PLOD1: variants seen among roughly 807,000 people sequenced by gnomAD.
The protein encoded by PLOD1 is procollagen-lysine,2-oxoglutarate 5-dioxygenase 1, also known as lysine hydroxylase.
PLOD1 carries 70 observed loss-of-function variants against 94.7 expected under a neutral mutation model. The ratio of observed to expected loss-of-function variants is 0.74; its 90% CI spans 0.61 to 0.90. PLOD1 has a LOEUF of 0.90. Among genes scored for constraint, PLOD1 ranks in the 40% least tolerant of loss-of-function variants. The pLI is 0.00. For synonymous variants in PLOD1, 417 were observed against 400.2 expected, an observed-to-expected ratio of 1.04 and a Z score of -0.50; for missense variants, 905 against 972.7, an observed-to-expected ratio of 0.93 and a Z score of 0.93.
chr1:11,944,665 A>C, intron 1 of PLOD1: 1 of 1,347,928 alleles, frequency 7.4e-7, no homozygotes, highest in Non-Finnish European at 9.9e-7. Context: ...AGGTTCAGGT[A>C]GTGAGGCCTC....
intron 16 of PLOD1, among the ~76,000 whole-genome samples, chr1:11,967,751 A>G (rs182172799): frequency 4.2e-5 from 6 of 144,104 alleles, no homozygotes; most frequent in Middle Eastern, 3.5e-3. Flanking sequence ...TAATTAATTA[A>G]TTAATTAATT....
chr1:11,967,095 G>A lies in PLOD1; in HGVS notation c.1755+4G>A. The A allele has an allele frequency of 3.8e-6, 6 of 1,579,696 alleles. No homozygotes were observed. The highest frequency in any genetic ancestry group is 5.2e-6 in the Non-Finnish European group (6 of 1,148,576). On this transcript the variant is annotated splice_donor_region_variant and intron_variant, in intron 16 of 18. Transcript: ENST00000196061. Reference sequence around the variant, plus strand: ...GTGGTCTCTGGGCAACAACAAGGTGGGACCCTGATGCCTGGGCTGGGGCCG... The same window carrying A: ...GTGGTCTCTGGGCAACAACAAGGTGAGACCCTGATGCCTGGGCTGGGGCCG...
chr1:11,951,776 A>C (rs1430970279), intron 4 of PLOD1, among the ~76,000 whole-genome samples: 1 of 147,602 alleles, frequency 6.8e-6, no homozygotes, highest in Admixed American at 6.8e-5. Flanking sequence ...AAAATTAGCC[A>C]GGTGTGGTGG....
intron 1 of PLOD1, among the ~76,000 whole-genome samples, chr1:11,935,892 G>A (rs978201465): frequency 6.6e-6 from 1 of 151,572 alleles, no homozygotes; most frequent in African/African-American, 2.4e-5. Flanking sequence ...CAAAATGTTT[G>A]GATTACAGGC....
At chr1:11,944,136 G>A (rs1288249942) in intron 1 of PLOD1, among the ~76,000 whole-genome samples, 2 of 151,978 alleles carry the variant, frequency 1.3e-5, no homozygotes, top group Non-Finnish European at 2.9e-5. Flanking sequence ...AGGAGGCTGA[G>A]GCATGAGAAT....
chr1:11,958,353 GC>G lies in PLOD1; in HGVS notation c.844-156del, dbSNP rs200642071. Among the ~76,000 whole-genome samples the G allele has an allele frequency of 2.6e-5, 4 of 151,646 alleles. No homozygotes were observed. Among genetic ancestry groups the G allele is most frequent in the Admixed American group, 6.6e-5 (1 of 15,220 alleles). On this transcript the variant is annotated intron_variant, in intron 8 of 18. Coordinates refer to ENST00000196061, the MANE Select transcript of PLOD1 (RefSeq NM_000302.4). This position sits in a 1 kb window ranked among gnomAD's most constrained non-coding sequence, Gnocchi z 4.3. ...CGGGGCACCCTCCTGCTGCTTCCCT[GC>G]CCCCCCGTACCCCCTGACTGGAGTT...
intron 5 of PLOD1, among the ~76,000 whole-genome samples, chr1:11,953,200 C>T (rs1043859311): frequency 7.2e-5 from 11 of 151,950 alleles, no homozygotes; most frequent in African/African-American, 9.7e-5. Context: ...GGACTACAGG[C>T]GTGCACCACC....
chr1:11,952,489 A>G, intron 4 of PLOD1, 134 bp from the exon 5 acceptor site: 5 of 713,078 alleles, frequency 7.0e-6, no homozygotes, highest in Non-Finnish European at 1.3e-5. Flanking sequence ...TCAATTCAGG[A>G]GGACTTCTGA....
chr1:11,965,705 C>A, intron 14 of PLOD1, 112 bp downstream of exon 14: 1 of 690,576 alleles, frequency 1.4e-6, no homozygotes, highest in Non-Finnish European at 2.6e-6. Flanking sequence ...TGTAGGCCAC[C>A]TGCCACCCTC....
chr1:11,962,438 G>A (rs1368503555), intron 10 of PLOD1, among the ~76,000 whole-genome samples: 2 of 151,270 alleles, frequency 1.3e-5, no homozygotes, highest in South Asian at 2.1e-4. Context: ...CACCATGCCC[G>A]GCTAATTTTT....
chr1:11,954,859 C>A lies in PLOD1; in HGVS notation c.609C>A (p.Arg203=). The A allele has an allele frequency of 6.2e-7, 1 of 1,613,968 alleles. No individual in the cohort carries two copies. The highest frequency in any genetic ancestry group is 1.3e-5 in the African/African-American group (1 of 75,072). The change falls in exon 6 of 19, where the codon CGC becomes CGA. Residue 203 remains arginine, a synonymous_variant. Coordinates refer to ENST00000196061, the MANE Select transcript of PLOD1 (RefSeq NM_000302.4). ...REQINITLDH[R]CRIFQNLDGA... ...AGATCAATATCACCCTGGACCACCG[C>A]TGCCGTATCTTCCAGAACCTGGATG... is the stretch of plus-strand genomic sequence containing the variant.
At chr1:11,951,264 T>C (rs1198786935) in intron 4 of PLOD1, among the ~76,000 whole-genome samples, 1 of 152,100 alleles carries the variant, frequency 6.6e-6, no homozygotes, top group Admixed American at 6.5e-5. Context: ...CAGAGGTGTC[T>C]TTAAACGATG....
intron 1 of PLOD1, among the ~76,000 whole-genome samples, chr1:11,947,641 C>A (rs985996705): frequency 6.6e-6 from 1 of 152,184 alleles, no homozygotes; most frequent in Non-Finnish European, 1.5e-5. Context: ...GGAGATGGCA[C>A]CAAGCCATTC....
chr1:11,936,877 C>T (rs1301534920), intron 1 of PLOD1, among the ~76,000 whole-genome samples: 2 of 139,066 alleles, frequency 1.4e-5, no homozygotes, highest in African/African-American at 2.7e-5. Flanking sequence ...GGCAGAGTTT[C>T]ACTCCCGTTG....
intron 2 of PLOD1, 126 bp from the exon 3 acceptor site, chr1:11,949,647 T>A (rs1645683413): frequency 1.1e-6 from 1 of 899,638 alleles, no homozygotes; most frequent in Admixed American, 2.3e-5. Context: ...CTTGAATTCC[T>A]GACCTCAGGT....
At chr1:11,952,538 T>C in intron 4 of PLOD1, 85 bp from the exon 5 acceptor site, 2 of 929,982 alleles carry the variant, frequency 2.2e-6, no homozygotes, top group Non-Finnish European at 3.6e-6. Flanking sequence ...TGGAGGTGGA[T>C]AAGAGGGAAG....
Position 11,950,487 on chromosome 1 carries a change from G to A in PLOD1, c.433G>A (p.Val145Met). Residue 145 changes from valine (V) to methionine (M), a missense_variant, in exon 4 of 19, where the codon GTG becomes ATG. Transcript: ENST00000196061. The stretch of plus-strand genomic sequence containing the variant: ...CAGGCTGGAGACCAAGTATCCGGTG[G>A]TGTCCGATGGCAAGAGGTTCCTGGG... ...DRRLETKYPVVSDGKRFLGSG... is the reference protein window; with the variant it reads ...DRRLETKYPVMSDGKRFLGSG... 1 of 1,614,172 alleles carries A rather than the reference G, an allele frequency of 6.2e-7. No homozygotes were observed. Among genetic ancestry groups the A allele is most frequent in the East Asian group, 2.2e-5 (1 of 44,880 alleles).
chr1:11,941,807 A>C (rs1308096593), intron 1 of PLOD1, among the ~76,000 whole-genome samples: 2 of 151,946 alleles, frequency 1.3e-5, no homozygotes, highest in African/African-American at 4.8e-5. Flanking sequence ...TACATGCACC[A>C]CCGTATAACT....
chr1:11,974,605 G>A (rs775268930), intron 18 of PLOD1, 48 bp from the exon 19 acceptor site: 7 of 1,579,026 alleles, frequency 4.4e-6, no homozygotes, highest in East Asian at 2.3e-5. Context: ...GAGAACAGAC[G>A]GGCAGGGGGG....
Sources: gnomAD v4.1 joint callset for allele counts (sites outside exome capture counted in the v4.1 genomes callset) on GRCh38, gnomAD v4.1.1 for gene constraint, Gnocchi (gnomAD v3.1) non-coding constraint, MANE v1.5 for transcripts, NCBI Gene and HGNC (gene_info 2026-07-23, HGNC 2026-07-21) for gene names.